The following ARK2C variants were observed in gnomAD, a reference collection of about 807,000 sequenced individuals.
ARK2C encodes E3 ubiquitin-protein ligase ARK2C.
the ARK2C span, among the ~76,000 whole-genome samples, chr18:46,414,145 C>T: frequency 5.3e-5 from 8 of 152,176 alleles, no homozygotes; most frequent in African/African-American, 1.7e-4. Context: ...TTTTGCAGGT[C>T]AGGAAGCTGA....
At chr18:46,461,187 A>G in the ARK2C span, 46,874 of 152,160 alleles carry the variant, frequency 0.31, 8,400 homozygotes, top group East Asian at 0.76. Flanking sequence ...AGACGTCCCA[A>G]TGACCTTGAG....
At chr18:46,354,089 T>C in the ARK2C span, among the ~76,000 whole-genome samples, 2 of 152,186 alleles carry the variant, frequency 1.3e-5, no homozygotes, top group Non-Finnish European at 2.9e-5. Context: ...TTCACCAGGC[T>C]CCCCAATTCT....
At chr18:46,340,778 G>A in the ARK2C span, among the ~76,000 whole-genome samples, 53 of 152,230 alleles carry the variant, frequency 3.5e-4, no homozygotes, top group African/African-American at 1.2e-3. Context: ...CAGGTGCCTA[G>A]GATGTGCTAG....
chr18:46,415,457 T>C, the ARK2C span, among the ~76,000 whole-genome samples: 1 of 151,344 alleles, frequency 6.6e-6, no homozygotes, highest in Non-Finnish European at 1.5e-5. Flanking sequence ...ACCTGGGAGG[T>C]AGAGCTTGCA....
At chr18:46,364,403 CTTA>C in the ARK2C span, among the ~76,000 whole-genome samples, 33 of 114,754 alleles carry the variant, frequency 2.9e-4, no homozygotes, top group African/African-American at 1.3e-3. Flanking sequence ...GTCTAAGAAA[CTTA>C]AAAAAAAAAA....
chr18:46,404,462 G>A, the ARK2C span, among the ~76,000 whole-genome samples: 45,144 of 151,962 alleles, frequency 0.3, 8,023 homozygotes, highest in East Asian at 0.78. Context: ...TTAAAACTCA[G>A]TGAAGTACTG....
the ARK2C span, among the ~76,000 whole-genome samples, chr18:46,379,909 C>A: frequency 6.6e-6 from 1 of 152,336 alleles, no homozygotes; most frequent in South Asian, 2.1e-4. Flanking sequence ...CCTCCTTGGC[C>A]CACTGGGACG....
At chr18:46,407,717 T>C in the ARK2C span, among the ~76,000 whole-genome samples, 3 of 152,346 alleles carry the variant, frequency 2.0e-5, no homozygotes, top group South Asian at 6.2e-4. Flanking sequence ...GGGCAGTACA[T>C]GCTGGGAGCT....
At chr18:46,409,018 T>C in the ARK2C span, among the ~76,000 whole-genome samples, 6 of 152,198 alleles carry the variant, frequency 3.9e-5, no homozygotes, top group African/African-American at 1.4e-4. Flanking sequence ...CCTTGGTCAC[T>C]CAGTGGTTAA....
chr18:46,435,341 G>C, the ARK2C span: 2 of 1,614,048 alleles, frequency 1.2e-6, no homozygotes, highest in East Asian at 2.2e-5. Flanking sequence ...TCCCAGCTTC[G>C]ACTTCGGCCA....
the ARK2C span, among the ~76,000 whole-genome samples, chr18:46,402,517 GT>G: frequency 6.6e-6 from 1 of 151,784 alleles, no homozygotes; most frequent in East Asian, 1.9e-4. Context: ...ACATGTGTGT[GT>G]TTTTTTTTCT....
the ARK2C span, among the ~76,000 whole-genome samples, chr18:46,421,892 C>G: frequency 8.5e-5 from 13 of 152,298 alleles, no homozygotes; most frequent in East Asian, 2.1e-3. Flanking sequence ...CCTGGGGAAG[C>G]ATCACAAAGC....
the ARK2C span, among the ~76,000 whole-genome samples, chr18:46,399,717 C>T: frequency 6.6e-6 from 1 of 152,160 alleles, no homozygotes; most frequent in African/African-American, 2.4e-5. Context: ...AGGTGAGGAA[C>T]TGAGAGGCAG....
At chr18:46,408,957 C>A in the ARK2C span, among the ~76,000 whole-genome samples, 1 of 152,176 alleles carries the variant, frequency 6.6e-6, no homozygotes, top group Non-Finnish European at 1.5e-5. Context: ...GCCCGCAGGA[C>A]CATCTTCTAT....
chr18:46,373,666 C>G, the ARK2C span, among the ~76,000 whole-genome samples: 1 of 152,334 alleles, frequency 6.6e-6, no homozygotes, highest in South Asian at 2.1e-4. Flanking sequence ...GACAGCCCAC[C>G]AGAGGCTCAC....
At chr18:46,350,722 G>A in the ARK2C span, among the ~76,000 whole-genome samples, 1 of 152,166 alleles carries the variant, frequency 6.6e-6, no homozygotes, top group Non-Finnish European at 1.5e-5. Flanking sequence ...CTGTCACACT[G>A]GGGGAATGAA....
At chr18:46,444,921 TCTC>T in the ARK2C span, among the ~76,000 whole-genome samples, 1 of 151,846 alleles carries the variant, frequency 6.6e-6, no homozygotes, top group Non-Finnish European at 1.5e-5. Context: ...CATTAAAATA[TCTC>T]CTCTTCTATA....
chr18:46,445,458 C>T, the ARK2C span, among the ~76,000 whole-genome samples: 3 of 152,164 alleles, frequency 2.0e-5, no homozygotes, highest in Non-Finnish European at 4.4e-5. Flanking sequence ...TTTGTTCAAC[C>T]TACTAAAATT....
At chr18:46,456,268 G>C in the ARK2C span, among the ~76,000 whole-genome samples, 1 of 152,212 alleles carries the variant, frequency 6.6e-6, no homozygotes, top group African/African-American at 2.4e-5. Flanking sequence ...TGATGCCCGG[G>C]TACGGACGCG....
Sources: allele counts gnomAD v4.1 joint callset (sites outside exome capture counted in the v4.1 genomes callset), GRCh38; gene constraint gnomAD v4.1.1; transcripts MANE v1.5; gene names NCBI Gene and HGNC (gene_info 2026-07-23, HGNC 2026-07-21).